Variants in PRKD1 observed in about 807,000 individuals in gnomAD.
The protein encoded by PRKD1 is protein kinase D1, also known as serine/threonine-protein kinase D1.
A neutral mutation model predicts 95.9 loss-of-function variants in PRKD1; 63 were observed. The ratio of observed to expected loss-of-function variants is 0.66; its 90% CI spans 0.54 to 0.81. PRKD1 has a LOEUF of 0.81. PRKD1 is among the 30% of genes least tolerant of loss of function. The probability of loss-of-function intolerance (pLI) is 0.00; values close to 1 mark genes in which losing one functional copy is unlikely to be tolerated. For synonymous variants in PRKD1, 425 were observed against 423.1 expected (o/e 1.00, Z -0.05); for missense variants, 1,048 against 1,165.3 (o/e 0.90, Z 1.47).
At chr14:29,885,085 T>C (rs948159503) in intron 1 of PRKD1, among the ~76,000 whole-genome samples, 2 of 145,026 alleles carry the variant, frequency 1.4e-5, no homozygotes, top group African/African-American at 5.2e-5. Context: ...ATCGCACCAC[T>C]GCACTCCCCC....
At chr14:29,825,680 G>A (rs12882145) in intron 1 of PRKD1, among the ~76,000 whole-genome samples, 55,043 of 151,722 alleles carry the variant, frequency 0.36, 10,790 homozygotes, top group Middle Eastern at 0.48. Context: ...TTTAAGACCT[G>A]GACTGTTTAT....
At chr14:29,790,468 T>A (rs1889493791) in intron 1 of PRKD1, among the ~76,000 whole-genome samples, 1 of 152,216 alleles carries the variant, frequency 6.6e-6, no homozygotes, top group Non-Finnish European at 1.5e-5. Context: ...CTTATTGATA[T>A]AAGCATTAAT....
At chr14:29,709,182 A>G (rs934781933) in intron 2 of PRKD1, among the ~76,000 whole-genome samples, 1 of 152,186 alleles carries the variant, frequency 6.6e-6, no homozygotes, top group Non-Finnish European at 1.5e-5. Context: ...TAAACAGAGT[A>G]TGTTTCATTA....
At chr14:29,863,736 T>C (rs911487365) in intron 1 of PRKD1, among the ~76,000 whole-genome samples, 2 of 152,118 alleles carry the variant, frequency 1.3e-5, no homozygotes, top group African/African-American at 4.8e-5. Flanking sequence ...TTTTCAAGCT[T>C]CCTTGGAGCA....
At chr14:29,751,608 A>G (rs1303688514) in intron 1 of PRKD1, among the ~76,000 whole-genome samples, 1 of 152,218 alleles carries the variant, frequency 6.6e-6, no homozygotes, top group African/African-American at 2.4e-5. Flanking sequence ...TACATTATGT[A>G]TCTTTATAGT....
At chr14:29,641,898 C>CTTTTTTTTTTTTTTTT (rs751584936) in intron 4 of PRKD1, among the ~76,000 whole-genome samples, 1 of 116,710 alleles carries the variant, frequency 8.6e-6, no homozygotes, top group Non-Finnish European at 1.8e-5. Flanking sequence ...AAAAATATTT[C>CTTTTTTTTTTTTTTTT]TTTTTTTTTT....
chr14:29,721,153 G>A (rs571804207), intron 2 of PRKD1, among the ~76,000 whole-genome samples: 8 of 152,186 alleles, frequency 5.3e-5, no homozygotes, highest in East Asian at 1.9e-4. Context: ...ATAGGCCCAC[G>A]CCTCTTCTGC....
intron 2 of PRKD1, among the ~76,000 whole-genome samples, chr14:29,707,040 G>A (rs1447740884): frequency 6.6e-6 from 1 of 152,154 alleles, no homozygotes; most frequent in Non-Finnish European, 1.5e-5. Flanking sequence ...TAAAAAAAAT[G>A]GGAGCAGTTC....
Position 29,634,380 on chromosome 14 carries a change from T to C in PRKD1, c.1314+38A>G, listed in dbSNP as rs141165047. On this transcript the variant is annotated intron_variant, in intron 8 of 17. Coordinates refer to ENST00000331968, the MANE Select transcript of PRKD1 (RefSeq NM_002742.3). ...CATTAGCAACTCCTCTAATTAAAGC[T>C]AGCAAGGCAAGAGAACATTGTTCCC... The C allele has an allele frequency of 1.5e-3, 2,479 of 1,613,400 alleles. 12 individuals are homozygous for C. Among genetic ancestry groups the C allele is most frequent in the Middle Eastern group, 6.3e-3 (38 of 6,058 alleles).
intron 13 of PRKD1, among the ~76,000 whole-genome samples, chr14:29,620,897 T>C (rs954423666): frequency 7.9e-5 from 12 of 151,776 alleles, no homozygotes; most frequent in Non-Finnish European, 2.9e-5. Context: ...TGCGGCACTA[T>C]TCACAATAGC....
intron 2 of PRKD1, among the ~76,000 whole-genome samples, chr14:29,682,053 G>C (rs914768886): frequency 5.3e-5 from 8 of 152,210 alleles, no homozygotes; most frequent in African/African-American, 1.9e-4. Flanking sequence ...AGTGGAAAGT[G>C]AGAACTAGAA....
chr14:29,927,618 A>C lies in PRKD1; in HGVS notation c.-106T>G. Reference sequence around the variant, plus strand: ...CAGGAGCTTCTTTCTCCGAGAGCCCAGACGGAAAATAAAAACTTTCCGGAA... The same window carrying C: ...CAGGAGCTTCTTTCTCCGAGAGCCCCGACGGAAAATAAAAACTTTCCGGAA... On this transcript the variant is annotated 5_prime_UTR_variant, in exon 1 of 18. Transcript: ENST00000331968. 1 of 924,914 alleles carries C rather than the reference A, an allele frequency of 1.1e-6. No individual in the cohort carries two copies. Among genetic ancestry groups the C allele is most frequent in the Non-Finnish European group, 1.3e-6 (1 of 757,780 alleles). The allele number at this position is 924,914 out of a possible 1,614,324, so 57.3% of individuals were successfully genotyped here. A position where few individuals can be genotyped will look rare whatever the true frequency, so the allele number is the denominator to read the frequency against.
intron 1 of PRKD1, among the ~76,000 whole-genome samples, chr14:29,849,412 G>A (rs1892211154): frequency 1.3e-5 from 2 of 152,056 alleles, no homozygotes; most frequent in South Asian, 4.1e-4. Flanking sequence ...TTATAGCAGT[G>A]CAAGAGTGGA....
At chr14:29,725,505 C>T (rs780415832) in intron 2 of PRKD1, 31 bp downstream of exon 2, 30 of 1,589,322 alleles carry the variant, frequency 1.9e-5, no homozygotes, top group Middle Eastern at 1.7e-4. Context: ...TTCTAATCTA[C>T]GGATAAAGAA....
Position 29,666,171 on chromosome 14 carries a change from G to A in PRKD1, c.441C>T (p.His147=), listed in dbSNP as rs150250622. 82 of 1,604,378 alleles carry A rather than the reference G, an allele frequency of 5.1e-5. No homozygotes were observed. The highest frequency in any genetic ancestry group is 2.1e-4 in the South Asian group (19 of 89,376). ...ATFEDFQIRP[H]ALFVHSYRAP... is the part of the protein sequence containing the mutation. ...CTCTGTATGAATGAACAAAGAGAGC[G>A]TGGGGACGAATCTGAAAGTCTTCAA... Residue 147 remains histidine (H), a synonymous_variant, in exon 3 of 18, where the codon CAC becomes CAT. Transcript: ENST00000331968.
At chr14:29,810,196 GA>G (rs1175307651) in intron 1 of PRKD1, among the ~76,000 whole-genome samples, 1 of 152,042 alleles carries the variant, frequency 6.6e-6, no homozygotes, top group African/African-American at 2.4e-5. Context: ...ATAAAAGTTT[GA>G]AAAATGGTGA....
intron 9 of PRKD1, among the ~76,000 whole-genome samples, chr14:29,631,620 C>T (rs1880012865): frequency 6.6e-6 from 1 of 151,514 alleles, no homozygotes; most frequent in Non-Finnish European, 1.5e-5. Context: ...CTGCCTCAGC[C>T]TCCCAAGTAG....
intron 1 of PRKD1, among the ~76,000 whole-genome samples, chr14:29,807,965 G>A (rs982122684): frequency 4.6e-5 from 7 of 151,920 alleles, no homozygotes; most frequent in African/African-American, 1.2e-4. Context: ...CAAGTGATTC[G>A]CCCGCCTTGG....
At chr14:29,798,267 C>T (rs1889896280) in intron 1 of PRKD1, among the ~76,000 whole-genome samples, 1 of 152,188 alleles carries the variant, frequency 6.6e-6, no homozygotes. Context: ...CGCAGTTCCA[C>T]CCACTTCCCA....
Sources: allele counts gnomAD v4.1 joint callset (sites outside exome capture counted in the v4.1 genomes callset), GRCh38; gene constraint gnomAD v4.1.1; transcripts MANE v1.5; gene names NCBI Gene and HGNC (gene_info 2026-07-23, HGNC 2026-07-21).